IGSF8: variants seen among roughly 807,000 people sequenced by gnomAD.
IGSF8 encodes the protein immunoglobulin superfamily member 8, also known as CD81 partner 3.
A neutral mutation model predicts 55.5 loss-of-function variants in IGSF8; 46 were observed. That is an observed-to-expected ratio of 0.83 (90% CI 0.65 to 1.06). The LOEUF is 1.06. Among genes scored for constraint, IGSF8 ranks in the 50% least tolerant of loss-of-function variants. The pLI, the probability that IGSF8 is intolerant of heterozygous loss-of-function variation, is 0.00. For missense variants in IGSF8, 731 were observed against 832.3 expected (o/e 0.88, Z 1.50); for synonymous variants, 314 against 356.1 (o/e 0.88, Z 1.33).
chr1:160,097,855 G>A (rs1030871614), intron 1 of IGSF8: 8 of 985,376 alleles, frequency 8.1e-6, no homozygotes, highest in Non-Finnish European at 8.4e-6. Flanking sequence ...ACAGGAAGAA[G>A]GGCAAAGAGG....
At chr1:160,095,424 G>GACAC in intron 1 of IGSF8, 178 bp from the exon 2 acceptor site, 1 of 663,820 alleles carries the variant, frequency 1.5e-6, no homozygotes, top group African/African-American at 1.8e-5. Context: ...AAGACACCTG[G>GACAC]ATCTCAAGGA....
chr1:160,094,286 C>T lies in IGSF8; in HGVS notation c.443-115G>A. 1 of 689,760 alleles carries T rather than the reference C, an allele frequency of 1.4e-6. No individual in the cohort carries two copies. 42.7% of individuals were successfully genotyped at this position (689,760 alleles called of 1,614,324 possible). A position where few individuals can be genotyped will look rare whatever the true frequency, so the allele number is the denominator to read the frequency against. On this transcript the variant is annotated intron_variant, in intron 2 of 6. Coordinates refer to ENST00000314485, the MANE Select transcript of IGSF8 (RefSeq NM_052868.6). The surrounding 1 kb of genome is among the most constrained non-coding windows in gnomAD (Gnocchi z 4.0). ...GTGAGCTCCCAGAGGGCAAAGATCG[C>T]ATGTTGTATTATTTCTTCTGTAACT... is the stretch of plus-strand genomic sequence containing the variant.
rs1159883768 is a variant in IGSF8, at chr1:160,094,110, T to A, written c.504A>T (p.Pro168=). 1 of 1,610,428 alleles carries A rather than the reference T, an allele frequency of 6.2e-7. No individual in the cohort carries two copies. Among genetic ancestry groups the A allele is most frequent in the Non-Finnish European group, 8.5e-7 (1 of 1,179,988 alleles). Residue 168 remains proline (P), a synonymous_variant, in exon 3 of 7, where the codon CCA becomes CCT. Coordinates refer to ENST00000314485, the MANE Select transcript of IGSF8 (RefSeq NM_052868.6). The surrounding 1 kb of genome is among the most constrained non-coding windows in gnomAD (Gnocchi z 4.0). ...GCACCGTCATGCGTGGGGGTGAGGT[T>A]GGGGCCTGGCGGCCTCGGGGCCCTG... ...APPGPRGRQA[P]TSPPRMTVHE...
rs1199223505 is a variant in IGSF8, at chr1:160,094,233, G to A, written c.443-62C>T. On this transcript the variant is annotated intron_variant, in intron 2 of 6. Transcript: ENST00000314485. This position sits in a 1 kb window ranked among gnomAD's most constrained non-coding sequence, Gnocchi z 4.0. ...CTGGCAGCCCTTGTTACTGTTTCCT[G>A]TGTATAGCCTATCTCCCTAAATAAA... 4 of 1,032,660 alleles carry A rather than the reference G, an allele frequency of 3.9e-6. No individual in the cohort carries two copies. Among genetic ancestry groups the A allele is most frequent in the African/African-American group, 3.2e-5 (2 of 62,760 alleles). The allele number at this position is 1,032,660 out of a possible 1,614,324, so 64.0% of individuals were successfully genotyped here. A position where few individuals can be genotyped will look rare whatever the true frequency, so the allele number is the denominator to read the frequency against.
chr1:160,093,355 G>GT (rs1557987671), intron 3 of IGSF8, 24 bp from the exon 4 acceptor site: 8 of 1,556,946 alleles, frequency 5.1e-6, no homozygotes, highest in Non-Finnish European at 7.0e-6. Context: ...AGGGGAAGAG[G>GT]TGTCATGGAG....
upstream of IGSF8, chr1:160,098,921 G>T (rs1204963146): frequency 2.4e-5 from 2 of 81,888 alleles, no homozygotes; most frequent in Non-Finnish European, 4.6e-5. Flanking sequence ...ATCCGCCCCG[G>T]GCCTCGGCCC....
intron 3 of IGSF8, 72 bp downstream of exon 3, chr1:160,093,638 C>G (rs1210682265): frequency 5.6e-6 from 7 of 1,246,538 alleles, no homozygotes; most frequent in Admixed American, 2.3e-5. Flanking sequence ...TCTGGTACCC[C>G]CTGTGGCCAC....
chr1:160,096,756 G>T (rs957648853), intron 1 of IGSF8, among the ~76,000 whole-genome samples: 5 of 138,420 alleles, frequency 3.6e-5, no homozygotes, highest in African/African-American at 1.2e-4. Context: ...TTTCCACACT[G>T]GAGGAGAACT....
chr1:160,094,949 T>C lies in IGSF8; in HGVS notation c.362A>G (p.Asp121Gly). ...GGTGTGGCACTCATAAATGCCGGCA[T>C]CCTGGGCCTGCAGGCGGGCAATCTT... ...VLKIARLQAQ[D>G]AGIYECHTPS... The change falls in exon 2 of 7, where the codon GAT (aspartate) becomes GGT (glycine). Residue 121 changes from aspartate to glycine, a missense_variant. Transcript: ENST00000314485. The surrounding 1 kb of genome is among the most constrained non-coding windows in gnomAD (Gnocchi z 4.0). The C allele has an allele frequency of 6.2e-7, 1 of 1,614,074 alleles. No individual in the cohort carries two copies. The highest frequency in any genetic ancestry group is 8.5e-7 in the Non-Finnish European group (1 of 1,180,016).
At chr1:160,098,015 T>G (rs1650557434) in intron 1 of IGSF8, 1 of 983,452 alleles carries the variant, frequency 1.0e-6, no homozygotes, top group Non-Finnish European at 1.2e-6. Context: ...ATTATGAAGC[T>G]GGGCAGGCAC....
Position 160,094,239 on chromosome 1 carries a change from A to G in IGSF8, c.443-68T>C. ...GCCCTTGTTACTGTTTCCTGTGTATAGCCTATCTCCCTAAATAAACTGTGA... is the reference window on the plus strand; with the variant it reads ...GCCCTTGTTACTGTTTCCTGTGTATGGCCTATCTCCCTAAATAAACTGTGA... On this transcript the variant is annotated intron_variant, in intron 2 of 6. Transcript: ENST00000314485. This position sits in a 1 kb window ranked among gnomAD's most constrained non-coding sequence, Gnocchi z 4.0. The G allele has an allele frequency of 1.0e-6, 1 of 969,252 alleles. No individual in the cohort carries two copies. The highest frequency in any genetic ancestry group is 1.5e-6 in the Non-Finnish European group (1 of 659,990). The allele number at this position is 969,252 out of a possible 1,614,324, so 60.0% of individuals were successfully genotyped here.
At position 160,093,797 on chromosome 1, in the gene IGSF8, C is replaced by A. The variant is rs142411779; in HGVS notation, c.817G>T (p.Ala273Ser). 2.5e-4 allele frequency: 396 copies of A among 1,614,004 alleles called. No homozygotes were observed. Among genetic ancestry groups the A allele is most frequent in the Non-Finnish European group, 3.2e-4 (375 of 1,179,924 alleles). Reference sequence around the variant, plus strand: ...CCATCAGGATCCTGAATCCACTCAGCGGCAGTGCAGTGGTAGGTGCCTGCG... The same window carrying A: ...CCATCAGGATCCTGAATCCACTCAGAGGCAGTGCAGTGGTAGGTGCCTGCG... Reference protein sequence around the residue: ...GDAGTYHCTAAEWIQDPDGSW... With the variant: ...GDAGTYHCTASEWIQDPDGSW... Residue 273 changes from alanine to serine, a missense_variant, in exon 3 of 7, where the codon GCT (alanine) becomes TCT (serine). Ala to Ser is a moderately conservative substitution (Grantham distance 99, BLOSUM62 1). Coordinates refer to ENST00000314485, the MANE Select transcript of IGSF8 (RefSeq NM_052868.6).
intron 1 of IGSF8, among the ~76,000 whole-genome samples, chr1:160,097,411 G>T (rs903985815): frequency 3.3e-5 from 5 of 152,192 alleles, no homozygotes; most frequent in African/African-American, 1.2e-4. Context: ...GCAGGGGAAG[G>T]CTTTGCTTGG....
Position 160,092,616 on chromosome 1 carries a change from G to A in IGSF8, c.1392C>T (p.Ile464=). The change falls in exon 5 of 7, where the codon ATC becomes ATT. Residue 464 remains isoleucine (I), a synonymous_variant. Coordinates refer to ENST00000314485, the MANE Select transcript of IGSF8 (RefSeq NM_052868.6). The part of the protein sequence containing the change: ...RGETASLLCN[I]SVRGGPPGLR... ...GTCCTGGGGGGCCACCCCGCACAGAGATGTTGCACAGCAGGGAGGCAGTCT... is the reference window on the plus strand; with the variant it reads ...GTCCTGGGGGGCCACCCCGCACAGAAATGTTGCACAGCAGGGAGGCAGTCT... The A allele has an allele frequency of 6.2e-7, 1 of 1,606,082 alleles. No individual in the cohort carries two copies. Among genetic ancestry groups the A allele is most frequent in the South Asian group, 1.1e-5 (1 of 91,090 alleles).
rs572789513 is a variant in IGSF8, at chr1:160,093,652, GC to G, written c.904+57del. ...ATCTGGTACCCCCTGTGGCCACAGT[GC>G]CCACCAGGATACTGTCCCTCCCAGC... On this transcript the variant is annotated intron_variant, in intron 3 of 6. Coordinates refer to ENST00000314485, the MANE Select transcript of IGSF8 (RefSeq NM_052868.6). 9.0e-4 allele frequency: 1,251 copies of G among 1,395,222 alleles called. 7 individuals are homozygous for G. The African/African-American group carries it at 0.015, about 17-fold the overall frequency. 86.4% of individuals were successfully genotyped at this position (1,395,222 alleles called of 1,614,324 possible). A position where few individuals can be genotyped will look rare whatever the true frequency, so the allele number is the denominator to read the frequency against.
In IGSF8 at chr1:160,092,431, C is replaced by T. The variant is rs770708279; in HGVS notation, c.1577G>A (p.Ser526Asn). Reference protein sequence around the residue: ...PVSVELVGPRSHRLRLHSLGP... With the variant: ...PVSVELVGPRNHRLRLHSLGP... Reference sequence around the variant, plus strand: ...CAAGCTGTGTAGTCTCAGCCGATGGCTTCGGGGCCCCACCAGCTCTACGCT... The same window carrying T: ...CAAGCTGTGTAGTCTCAGCCGATGGTTTCGGGGCCCCACCAGCTCTACGCT... The change falls in exon 5 of 7, where the codon AGC (serine) becomes AAC (asparagine). Residue 526 changes from serine to asparagine, a missense_variant. Transcript: ENST00000314485. 2.9e-5 allele frequency: 46 copies of T among 1,610,696 alleles called. No individual in the cohort carries two copies. The Admixed American group carries it at 7.4e-4, about 26-fold the overall frequency.
Position 160,093,859 on chromosome 1 carries a change from C to T in IGSF8, c.755G>A (p.Arg252Gln), listed in dbSNP as rs775811812. 21 of 1,614,058 alleles carry T rather than the reference C, an allele frequency of 1.3e-5. No individual in the cohort carries two copies. Among genetic ancestry groups the T allele is most frequent in the East Asian group, 1.1e-4 (5 of 44,904 alleles). ...ELRLGKEGTD[R>Q]YRMVVGGAQA... is the part of the protein sequence containing the mutation. Reference sequence around the variant, plus strand: ...GGCACCCCCTACTACCATGCGGTACCGATCGGTCCCTTCCTTGCCCAGACG... The same window carrying T: ...GGCACCCCCTACTACCATGCGGTACTGATCGGTCCCTTCCTTGCCCAGACG... The change falls in exon 3 of 7, where the codon CGG becomes CAG. Residue 252 changes from arginine (R) to glutamine (Q), a missense_variant. Arg to Gln is a conservative substitution (Grantham distance 43). Coordinates refer to ENST00000314485, the MANE Select transcript of IGSF8 (RefSeq NM_052868.6).
upstream of IGSF8, among the ~76,000 whole-genome samples, chr1:160,099,109 G>T (rs1271028485): frequency 7.0e-6 from 1 of 142,994 alleles, no homozygotes; most frequent in African/African-American, 2.6e-5. Context: ...GCCTCGCCCC[G>T]CCCCTGGCCC....
At position 160,095,400 on chromosome 1, in the gene IGSF8, G is replaced by A. The variant is rs1209492195; in HGVS notation, c.65-154C>T. On this transcript the variant is annotated intron_variant, in intron 1 of 6. Coordinates refer to ENST00000314485, the MANE Select transcript of IGSF8 (RefSeq NM_052868.6). ...GGACCCTGTTCTGAGAATAGGAAAG[G>A]GATGCTGTGATATAAGACACCTGGA... The A allele has an allele frequency of 3.9e-6, 3 of 778,518 alleles. No individual in the cohort carries two copies. The Admixed American group carries it at 8.8e-5, about 23-fold the overall frequency. The allele number at this position is 778,518 out of a possible 1,614,324, so 48.2% of individuals were successfully genotyped here.
Sources: allele counts gnomAD v4.1 joint callset (sites outside exome capture counted in the v4.1 genomes callset), GRCh38; gene constraint gnomAD v4.1.1; non-coding constraint Gnocchi (gnomAD v3.1); transcripts MANE v1.5; gene names NCBI Gene and HGNC (gene_info 2026-07-23, HGNC 2026-07-21).